IGF2BP2: variants seen among roughly 807,000 people sequenced by gnomAD.
IGF2BP2 encodes insulin-like growth factor 2 mRNA-binding protein 2.
Under a neutral mutation model 75.8 loss-of-function variants are expected in IGF2BP2, and 17 were observed. The observed-to-expected ratio is 0.22, with a 90% CI of 0.15 to 0.34. The LOEUF (loss-of-function observed/expected upper bound fraction) is 0.34, where lower values mean the gene tolerates loss of function less well. IGF2BP2 is among the 10% of genes least tolerant of loss of function. The probability of loss-of-function intolerance (pLI) is 1.00; values close to 1 mark genes in which losing one functional copy is unlikely to be tolerated. For missense variants in IGF2BP2, 516 were observed against 772.4 expected, an observed-to-expected ratio of 0.67 and a Z score of 3.93; for synonymous variants, 288 against 295.6, an observed-to-expected ratio of 0.97 and a Z score of 0.26.
chr3:185,809,009 G>T (rs760002618), intron 2 of IGF2BP2, among the ~76,000 whole-genome samples: 16 of 152,166 alleles, frequency 1.1e-4, no homozygotes, highest in Admixed American at 9.2e-4. Flanking sequence ...GATGCTGTCT[G>T]CTTAATTTAT....
intron 2 of IGF2BP2, among the ~76,000 whole-genome samples, chr3:185,770,135 T>C (rs80224877): frequency 0.033 from 5,026 of 152,196 alleles, 127 homozygotes; most frequent in Middle Eastern, 0.054. Context: ...TGGGGGATGG[T>C]CTCTCTCTTA....
At position 185,771,238 on chromosome 3, in the gene IGF2BP2, G is replaced by A. The variant is rs528444904; in HGVS notation, c.239+51915C>T. Among the ~76,000 whole-genome samples the A allele has an allele frequency of 5.3e-5, 8 of 152,142 alleles. No homozygotes were observed. In the South Asian group the frequency reaches 8.3e-4, roughly 16 times the overall value. ...GCCGATCACTTGAGGCCAGGAGTTC[G>A]AGACCAGCCTGGCCAAGATGGTGAA... is the stretch of plus-strand genomic sequence containing the variant. On this transcript the variant is annotated intron_variant, in intron 2 of 15. Coordinates refer to ENST00000382199, the MANE Select transcript of IGF2BP2 (RefSeq NM_006548.6).
chr3:185,668,653 T>G (rs1347503983), intron 10 of IGF2BP2, among the ~76,000 whole-genome samples: 1 of 151,210 alleles, frequency 6.6e-6, no homozygotes, highest in Non-Finnish European at 1.5e-5. Flanking sequence ...CATATAATTA[T>G]TTATGACATA....
At chr3:185,699,412 T>G (rs1189764099) in intron 2 of IGF2BP2, among the ~76,000 whole-genome samples, 1 of 152,192 alleles carries the variant, frequency 6.6e-6, no homozygotes, top group Non-Finnish European at 1.5e-5. Flanking sequence ...TCAGATTTAG[T>G]TGCCCCCTTA....
At chr3:185,708,125 ACAC>A (rs1469843486) in intron 2 of IGF2BP2, among the ~76,000 whole-genome samples, 1 of 152,230 alleles carries the variant, frequency 6.6e-6, no homozygotes, top group African/African-American at 2.4e-5. Flanking sequence ...TCAGAGAAAT[ACAC>A]TGAGGAGCTG....
chr3:185,793,796 G>T (rs866828129), intron 2 of IGF2BP2, among the ~76,000 whole-genome samples: 1 of 152,052 alleles, frequency 6.6e-6, no homozygotes, highest in Non-Finnish European at 1.5e-5. Flanking sequence ...GTCAAAGCAG[G>T]TTTGGAACCC....
rs867667992 is a variant in IGF2BP2 at position 185,643,269 on chromosome 3, G to C, written c.*2262C>G. Among the ~76,000 whole-genome samples, 1 of 152,138 alleles carries C rather than the reference G, an allele frequency of 6.6e-6. No individual in the cohort carries two copies. The highest frequency in any genetic ancestry group is 1.9e-4 in the East Asian group (1 of 5,186). On this transcript the variant is annotated 3_prime_UTR_variant, in exon 16 of 16. Coordinates refer to ENST00000382199, the MANE Select transcript of IGF2BP2 (RefSeq NM_006548.6). Reference sequence around the variant, plus strand: ...TGAAGTGCCTCTTCCCGGAACTGCCGGGCATATTATCCTCCCCCTTTCCTC... The same window carrying C: ...TGAAGTGCCTCTTCCCGGAACTGCCCGGCATATTATCCTCCCCCTTTCCTC...
chr3:185,652,261 G>T, intron 12 of IGF2BP2, 93 bp from the exon 13 acceptor site: 1 of 1,067,250 alleles, frequency 9.4e-7, no homozygotes, highest in Non-Finnish European at 1.4e-6. Context: ...ACCAGCAGGA[G>T]GTTCCAGGTC....
At position 185,789,664 on chromosome 3, in the gene IGF2BP2, C is replaced by CA. The variant is rs533920256; in HGVS notation, c.239+33488dup. On this transcript the variant is annotated intron_variant, in intron 2 of 15. Transcript: ENST00000382199. Reference sequence around the variant, plus strand: ...TCTTCCTGAAATCTAGTTAAGTAAGCAAAAAAAAAAACCCCTTTTGCTTCA... The same window carrying CA: ...TCTTCCTGAAATCTAGTTAAGTAAGCAAAAAAAAAAAACCCCTTTTGCTTCA... 7.6e-3 allele frequency among the ~76,000 whole-genome samples: 960 copies of CA among 125,684 alleles called. 7 individuals are homozygous for CA. Among genetic ancestry groups the CA allele is most frequent in the African/African-American group, 0.021 (715 of 34,848 alleles). 82.5% of individuals were successfully genotyped at this position (125,684 alleles called of 152,430 possible).
At chr3:185,748,307 C>T (rs778760932) in intron 2 of IGF2BP2, among the ~76,000 whole-genome samples, 7 of 152,110 alleles carry the variant, frequency 4.6e-5, no homozygotes, top group South Asian at 2.1e-4. Context: ...ACTAGGTATG[C>T]GATATACTGC....
rs1016620219 is a variant in IGF2BP2, at chr3:185,644,105, T to C, written c.*1426A>G. The C allele has an allele frequency of 6.6e-5, 10 of 152,454 alleles. No individual in the cohort carries two copies. The highest frequency in any genetic ancestry group is 2.4e-4 in the African/African-American group (10 of 41,414). The allele number at this position is 152,454 out of a possible 1,614,324, so 9.4% of individuals were successfully genotyped here. Reference sequence around the variant, plus strand: ...TCACCTTCTCCAGGCTGGCAGTTGATATCTTATTTTTTTTCCAACTCATTT... The same window carrying C: ...TCACCTTCTCCAGGCTGGCAGTTGACATCTTATTTTTTTTCCAACTCATTT... On this transcript the variant is annotated 3_prime_UTR_variant, in exon 16 of 16. Transcript: ENST00000382199.
intron 12 of IGF2BP2, among the ~76,000 whole-genome samples, chr3:185,656,527 T>C (rs1401077293): frequency 6.6e-6 from 1 of 152,262 alleles, no homozygotes; most frequent in African/African-American, 2.4e-5. Flanking sequence ...TTTGGAATTC[T>C]GGGTTGTCCC....
chr3:185,752,879 G>A (rs758922521), intron 2 of IGF2BP2, among the ~76,000 whole-genome samples: 20 of 152,148 alleles, frequency 1.3e-4, no homozygotes, highest in Non-Finnish European at 1.9e-4. Context: ...TTACAGGCAT[G>A]AGCCACCATG....
chr3:185,801,256 G>A (rs1245473280), intron 2 of IGF2BP2, among the ~76,000 whole-genome samples: 7 of 152,200 alleles, frequency 4.6e-5, no homozygotes, highest in South Asian at 2.1e-4. Context: ...TTGGGAGGCC[G>A]AGGCAGGTGG....
At chr3:185,720,427 T>C (rs571531263) in intron 2 of IGF2BP2, among the ~76,000 whole-genome samples, 284 of 152,270 alleles carry the variant, frequency 1.9e-3, no homozygotes, top group African/African-American at 6.5e-3. Flanking sequence ...TCACCACAAC[T>C]GCGCCCGGCC....
intron 2 of IGF2BP2, among the ~76,000 whole-genome samples, chr3:185,799,567 T>C (rs1461999927): frequency 1.3e-5 from 2 of 151,822 alleles, no homozygotes; most frequent in African/African-American, 2.4e-5. Flanking sequence ...GCTAACACGG[T>C]GAAACCCCGT....
intron 2 of IGF2BP2, among the ~76,000 whole-genome samples, chr3:185,737,191 T>C (rs1336261736): frequency 4.6e-5 from 7 of 152,242 alleles, no homozygotes. Flanking sequence ...GGCCAAGCTA[T>C]ACATATTAAA....
intron 7 of IGF2BP2, among the ~76,000 whole-genome samples, chr3:185,677,106 G>GAGAGAGAGAGAGAGAGAGAT (rs1719672543): frequency 7.8e-6 from 1 of 128,368 alleles, no homozygotes; most frequent in Admixed American, 8.2e-5. Context: ...GAGAGAGAGA[G>GAGAGAGAGAGAGAGAGAGAT]ATGTATATAT....
intron 10 of IGF2BP2, among the ~76,000 whole-genome samples, chr3:185,665,395 GAGGAGGAGAAGGAAA>G (rs1717268301): frequency 8.4e-6 from 1 of 118,948 alleles, no homozygotes; most frequent in East Asian, 2.6e-4. Flanking sequence ...GGAGAAGGAG[GAGGAGGAGAAGGAAA>G]AGGAGGAGAA....
Sources: gnomAD v4.1 joint callset for allele counts (sites outside exome capture counted in the v4.1 genomes callset) on GRCh38, gnomAD v4.1.1 for gene constraint, MANE v1.5 for transcripts, NCBI Gene and HGNC (gene_info 2026-07-23, HGNC 2026-07-21) for gene names.